The following SERINC5 variants were observed in gnomAD, a reference collection of about 807,000 sequenced individuals.
SERINC5 encodes the protein chromosome 5 open reading frame 12.
Under a neutral mutation model 63.1 loss-of-function variants are expected in SERINC5, and 41 were observed. The observed-to-expected ratio is 0.65, with a 90% CI of 0.51 to 0.84. The LOEUF is 0.84. Among genes scored for constraint, SERINC5 ranks in the 40% least tolerant of loss-of-function variants. The probability of loss-of-function intolerance (pLI) is 0.00; values close to 1 mark genes in which losing one functional copy is unlikely to be tolerated. For missense variants in SERINC5, 523 were observed against 573.0 expected (o/e 0.91, Z 0.89); for synonymous variants, 222 against 215.2 (o/e 1.03, Z -0.28).
At chr5:80,199,663 CA>C (rs1170700878) in intron 2 of SERINC5, among the ~76,000 whole-genome samples, 1 of 152,148 alleles carries the variant, frequency 6.6e-6, no homozygotes, top group African/African-American at 2.4e-5. Context: ...CAATGGCTCC[CA>C]AATTATCTCT....
intron 1 of SERINC5, among the ~76,000 whole-genome samples, chr5:80,209,704 A>G (rs946114996): frequency 6.6e-6 from 1 of 152,170 alleles, no homozygotes; most frequent in Non-Finnish European, 1.5e-5. Flanking sequence ...TACCATGTGC[A>G]TGCATTACTC....
chr5:80,244,353 T>A (rs1580216443), intron 1 of SERINC5, among the ~76,000 whole-genome samples: 1 of 151,906 alleles, frequency 6.6e-6, no homozygotes, highest in East Asian at 2.0e-4. Flanking sequence ...GTAGCTGGGA[T>A]TACAGATGTC....
At chr5:80,218,653 G>A (rs954087917) in intron 1 of SERINC5, among the ~76,000 whole-genome samples, 2 of 149,874 alleles carry the variant, frequency 1.3e-5, no homozygotes, top group Non-Finnish European at 3.0e-5. Context: ...CCAGCCTGGT[G>A]ACAGAGCAAG....
chr5:80,229,798 A>C (rs1751357958), intron 1 of SERINC5, among the ~76,000 whole-genome samples: 1 of 152,238 alleles, frequency 6.6e-6, no homozygotes, highest in Admixed American at 6.5e-5. Flanking sequence ...ATTCAATACA[A>C]GGCTACTTAA....
intron 1 of SERINC5, among the ~76,000 whole-genome samples, chr5:80,213,249 G>GAA (rs1554069104): frequency 2.2e-5 from 1 of 46,266 alleles, no homozygotes; most frequent in Non-Finnish European, 4.4e-5. Context: ...GCATCTCAAA[G>GAA]AAAGAAAAAA....
chr5:80,153,328 G>A (rs1008109145), intron 8 of SERINC5, among the ~76,000 whole-genome samples: 1 of 151,860 alleles, frequency 6.6e-6, no homozygotes, highest in African/African-American at 2.4e-5. Flanking sequence ...CATGGTGGGG[G>A]GCGCCTGTAA....
At chr5:80,184,768 T>C (rs148780551) in intron 2 of SERINC5, among the ~76,000 whole-genome samples, 2,860 of 152,240 alleles carry the variant, frequency 0.019, 98 homozygotes, top group African/African-American at 0.065. Context: ...ATACATCACA[T>C]ACAAATTCCA....
chr5:80,173,468 C>T (rs975032945), intron 5 of SERINC5, among the ~76,000 whole-genome samples: 10 of 152,030 alleles, frequency 6.6e-5, no homozygotes, highest in Admixed American at 2.0e-4. Flanking sequence ...TGGTGGCAGG[C>T]GACTGTAGTC....
intron 1 of SERINC5, among the ~76,000 whole-genome samples, chr5:80,229,739 G>A (rs923005685): frequency 6.6e-6 from 1 of 152,212 alleles, no homozygotes; most frequent in East Asian, 1.9e-4. Flanking sequence ...CTCAGCACAT[G>A]TGCCTGGTCC....
chr5:80,166,423 G>T lies in SERINC5; in HGVS notation c.819C>A (p.Tyr273Ter). ...TGCTGGACAGAGCTGAGAAGGTGAGGTAGGTGACATAGCAGCTTATGACCC... is the reference window on the plus strand; with the variant it reads ...TGCTGGACAGAGCTGAGAAGGTGAGTTAGGTGACATAGCAGCTTATGACCC... ...QSGVISCYVT[Y>*]LTFSALSSKP... is the part of the protein sequence containing the mutation. Residue 273 changes from tyrosine to a stop codon, truncating the protein, a stop_gained, in exon 7 of 12, where the codon TAC (tyrosine) becomes TAA (stop). Coordinates refer to ENST00000507668, the MANE Select transcript of SERINC5 (RefSeq NM_001174072.3). LOFTEE classifies it high-confidence loss of function. The T allele has an allele frequency of 6.3e-7, 1 of 1,595,906 alleles. No homozygotes were observed.
intron 11 of SERINC5, among the ~76,000 whole-genome samples, chr5:80,145,662 T>A (rs1745770838): frequency 6.6e-6 from 1 of 152,188 alleles, no homozygotes; most frequent in Non-Finnish European, 1.5e-5. Context: ...CATATAGAGC[T>A]AACTTTCCAT....
rs1276189606 is a variant in SERINC5, at chr5:80,139,432, C to T, written c.*4231G>A. 2.0e-6 allele frequency: 2 copies of T among 984,908 alleles called. No homozygotes were observed. Among genetic ancestry groups the T allele is most frequent in the Non-Finnish European group, 2.4e-6 (2 of 829,698 alleles). The allele number at this position is 984,908 out of a possible 1,614,324, so 61.0% of individuals were successfully genotyped here. On this transcript the variant is annotated 3_prime_UTR_variant, in exon 12 of 12. Transcript: ENST00000507668. ...TACTCATGTGAATATGATTAAACTC[C>T]TATAGAAGTGGATTGGGACATATGC...
intron 5 of SERINC5, among the ~76,000 whole-genome samples, chr5:80,171,899 AAAAG>A (rs1747691064): frequency 6.6e-6 from 1 of 152,106 alleles, no homozygotes; most frequent in South Asian, 2.1e-4. Flanking sequence ...AAAAGACAAA[AAAAG>A]AAAGGAAAGA....
chr5:80,252,996 C>T (rs978769867), intron 1 of SERINC5, among the ~76,000 whole-genome samples: 39 of 152,204 alleles, frequency 2.6e-4, no homozygotes, highest in Non-Finnish European at 7.3e-5. Flanking sequence ...TTATAATAGG[C>T]ATCTCTAATG....
chr5:80,182,549 C>T (rs919101017), intron 2 of SERINC5, among the ~76,000 whole-genome samples: 3 of 141,458 alleles, frequency 2.1e-5, no homozygotes, highest in Non-Finnish European at 4.6e-5. Flanking sequence ...TGACCGCCCC[C>T]CCCCCCTCCG....
Position 80,205,903 on chromosome 5 carries a change from C to T in SERINC5, c.28-2850G>A, listed in dbSNP as rs546993031. On this transcript the variant is annotated intron_variant, in intron 1 of 11. Transcript: ENST00000507668. ...CCTGGCCAACATGGTGAAACCTCGTCTCTACTAAATACAAAACAAAACAAA... is the reference window on the plus strand; with the variant it reads ...CCTGGCCAACATGGTGAAACCTCGTTTCTACTAAATACAAAACAAAACAAA... 9.1e-4 allele frequency among the ~76,000 whole-genome samples: 134 copies of T among 147,830 alleles called. 1 individual carries two copies. Among genetic ancestry groups the T allele is most frequent in the Non-Finnish European group, 1.7e-3 (117 of 67,424 alleles).
chr5:80,205,987 A>AAC (rs1750141541), intron 1 of SERINC5, among the ~76,000 whole-genome samples: 1 of 151,548 alleles, frequency 6.6e-6, no homozygotes, highest in Admixed American at 6.6e-5. Context: ...AAAAAAAAAA[A>AAC]AAAAAAAACC....
chr5:80,112,984 A>C (rs1224665079), intron 12 of SERINC5, among the ~76,000 whole-genome samples: 1 of 152,120 alleles, frequency 6.6e-6, no homozygotes, highest in Non-Finnish European at 1.5e-5. Context: ...TGATTTTTTT[A>C]ATAGCTGCAT....
At chr5:80,144,725 C>G (rs1488158058) in intron 11 of SERINC5, among the ~76,000 whole-genome samples, 2 of 152,200 alleles carry the variant, frequency 1.3e-5, no homozygotes, top group Non-Finnish European at 2.9e-5. Context: ...CTCCCCAATA[C>G]TCATCACCAT....
Sources: allele counts gnomAD v4.1 joint callset (sites outside exome capture counted in the v4.1 genomes callset), GRCh38; gene constraint gnomAD v4.1.1; transcripts MANE v1.5; gene names NCBI Gene and HGNC (gene_info 2026-07-23, HGNC 2026-07-21).